ITGAL: variants seen among roughly 807,000 people sequenced by gnomAD.
The protein encoded by ITGAL is integrin subunit alpha L.
Under a neutral mutation model 138.4 loss-of-function variants are expected in ITGAL, and 68 were observed. That is an observed-to-expected ratio of 0.49 (90% CI 0.40 to 0.60). The LOEUF is 0.60. Among genes scored for constraint, ITGAL ranks in the 20% least tolerant of loss-of-function variants. ITGAL has a pLI of 0.00. For synonymous variants in ITGAL, 561 were observed against 584.3 expected, an observed-to-expected ratio of 0.96 and a Z score of 0.57; for missense variants, 1,256 against 1,478.6, an observed-to-expected ratio of 0.85 and a Z score of 2.47.
At chr16:30,507,269 C>T (rs1299920423) in intron 21 of ITGAL, among the ~76,000 whole-genome samples, 1 of 151,998 alleles carries the variant, frequency 6.6e-6, no homozygotes. Context: ...ACCATCCTGG[C>T]TAACACGGTG....
In ITGAL at chr16:30,483,885, A is replaced by G. The variant is rs1221983373; in HGVS notation, c.781A>G (p.Ile261Val). The change falls in exon 8 of 31, where the codon ATC (isoleucine) becomes GTC (valine). Residue 261 changes from isoleucine (I) to valine (V), a missense_variant. By Grantham distance (29) the Ile-to-Val change is conservative. This residue lies in a region of ITGAL where 177 missense variants were observed against 288.8 expected (regional missense o/e 0.61). Transcript: ENST00000356798. ...GCCAGATGCCACCAAAGTGCTTATC[A>G]TCATCACGGATGGGGAGGCCACTGA... The part of the protein sequence containing the change: ...ARPDATKVLI[I>V]ITDGEATDSG... The G allele has an allele frequency of 6.2e-6, 10 of 1,614,164 alleles. No homozygotes were observed. In the Admixed American group the frequency reaches 6.7e-5, roughly 11 times the overall value.
chr16:30,509,089 A>G (rs1480923472), intron 21 of ITGAL, among the ~76,000 whole-genome samples: 1 of 151,474 alleles, frequency 6.6e-6, no homozygotes, highest in Non-Finnish European at 1.5e-5. Flanking sequence ...AGGCAGGAGA[A>G]TCACTTGAAC....
Position 30,510,859 on chromosome 16 carries a change from T to C in ITGAL, c.2620-22T>C, listed in dbSNP as rs752780002. On this transcript the variant is annotated intron_variant, in intron 22 of 30. Coordinates refer to ENST00000356798, the MANE Select transcript of ITGAL (RefSeq NM_002209.3). ...GCTCCTCATGACCCTTCCATTTCCA[T>C]TGCCCTCTCCTTTCCTGCCAGGTTG... 4 of 1,602,390 alleles carry C rather than the reference T, an allele frequency of 2.5e-6. No homozygotes were observed. The African/African-American group carries it at 4.0e-5, about 16-fold the overall frequency.
rs910591043 is a variant in ITGAL, at chr16:30,474,458, A to G, written c.164+160A>G. On this transcript the variant is annotated intron_variant, in intron 2 of 30. Coordinates refer to ENST00000356798, the MANE Select transcript of ITGAL (RefSeq NM_002209.3). ...GCCTGTGGTGGGAATCCTCAGAGAC[A>G]GGAGTGAGGGATCAAAAAGCGGGAT... The G allele has an allele frequency of 1.3e-5, 8 of 607,506 alleles. No homozygotes were observed. In the African/African-American group the frequency reaches 1.5e-4, roughly 11 times the overall value. 37.6% of individuals were successfully genotyped at this position (607,506 alleles called of 1,614,324 possible).
chr16:30,501,720 G>A (rs2050901689), intron 17 of ITGAL, among the ~76,000 whole-genome samples: 1 of 151,922 alleles, frequency 6.6e-6, no homozygotes, highest in South Asian at 2.1e-4. Flanking sequence ...CTCATGTATG[G>A]TACATGGAAA....
intron 11 of ITGAL, among the ~76,000 whole-genome samples, chr16:30,493,802 G>T (rs1184660561): frequency 6.6e-6 from 1 of 152,136 alleles, no homozygotes; most frequent in African/African-American, 2.4e-5. Flanking sequence ...TGAGGCAGGA[G>T]AATTGCTTGA....
intron 11 of ITGAL, among the ~76,000 whole-genome samples, chr16:30,493,023 T>C (rs4500746): frequency 0.73 from 110,909 of 151,626 alleles, 40,964 homozygotes; most frequent in East Asian, 0.99. Flanking sequence ...GTACCTGGGA[T>C]CACAGGTGTG....
At position 30,517,736 on chromosome 16, in the gene ITGAL, G is replaced by T. The variant is rs549723368; in HGVS notation, c.3033+31G>T. 2.0e-5 allele frequency: 32 copies of T among 1,613,032 alleles called. No individual in the cohort carries two copies. The East Asian group carries it at 6.7e-4, about 34-fold the overall frequency. ...GGCGTGTGAGCTGAGAGACGGTGGG[G>T]CTGGGCGGTACACGGGTCGGAATGA... On this transcript the variant is annotated intron_variant, in intron 27 of 30. Coordinates refer to ENST00000356798, the MANE Select transcript of ITGAL (RefSeq NM_002209.3).
chr16:30,520,877 G>A (rs958865587), intron 30 of ITGAL, among the ~76,000 whole-genome samples: 2 of 152,182 alleles, frequency 1.3e-5, no homozygotes, highest in South Asian at 2.1e-4. Context: ...CTGAGGTCGC[G>A]AGTTCGAGAC....
At chr16:30,501,577 C>CAAA (rs56687910) in intron 17 of ITGAL, among the ~76,000 whole-genome samples, 1 of 117,556 alleles carries the variant, frequency 8.5e-6, no homozygotes, top group Non-Finnish European at 1.8e-5. Flanking sequence ...AACTCCATCT[C>CAAA]AAAAAAAAAA....
intron 25 of ITGAL, among the ~76,000 whole-genome samples, chr16:30,515,452 C>T (rs2151205710): frequency 1.3e-5 from 2 of 152,346 alleles, no homozygotes; most frequent in South Asian, 4.1e-4. Flanking sequence ...CCACTCTCTT[C>T]CTCTGCCACC....
chr16:30,510,897 T>A lies in ITGAL; in HGVS notation c.2636T>A (p.Met879Lys), dbSNP rs199606000. 11 of 1,614,022 alleles carry A rather than the reference T, an allele frequency of 6.8e-6. No individual in the cohort carries two copies. In the African/African-American group the frequency reaches 1.1e-4, roughly 16 times the overall value. Residue 879 changes from methionine (M) to lysine (K), a missense_variant, in exon 23 of 31, where the codon ATG (methionine) becomes AAG (lysine). Physicochemically the swap from Met to Lys is moderately conservative, Grantham distance 95 (BLOSUM62 -1). Coordinates refer to ENST00000356798, the MANE Select transcript of ITGAL (RefSeq NM_002209.3). ...KAGHSVALQM[M>K]FNTLVNSSWG... ...TCCTGCCAGGTTGCTCTGCAGATGA[T>A]GTTTAATACACTGGTAAACAGCTCC...
chr16:30,517,609 T>A lies in ITGAL; in HGVS notation c.2977-40T>A, dbSNP rs762619670. 4 of 1,572,634 alleles carry A rather than the reference T, an allele frequency of 2.5e-6. No individual in the cohort carries two copies. The South Asian group carries it at 3.3e-5, about 13-fold the overall frequency. ...CTGGGATGCCAGTGTCTTATCTGGG[T>A]TGGGGAGGCTCTAACTGAAGACCTG... On this transcript the variant is annotated intron_variant, in intron 26 of 30. Coordinates refer to ENST00000356798, the MANE Select transcript of ITGAL (RefSeq NM_002209.3).
chr16:30,503,890 A>G (rs2050943667), intron 17 of ITGAL: 1 of 245,894 alleles, frequency 4.1e-6, no homozygotes, highest in African/African-American at 2.2e-5. Flanking sequence ...TGCCTAGGTC[A>G]AAATTCAGGG....
At chr16:30,519,711 C>A (rs1597112328) in intron 29 of ITGAL, 146 bp from the exon 30 acceptor site, 1 of 676,744 alleles carries the variant, frequency 1.5e-6, no homozygotes, top group South Asian at 1.7e-5. Flanking sequence ...CAATAGGTGA[C>A]GTGTTAAAGG....
Position 30,499,734 on chromosome 16 carries a change from T to TGTGTATATATATATATATATATATA in ITGAL, c.2145+245_2145+246insGTGTATATATATATATATATATATA, listed in dbSNP as rs71149033. On this transcript the variant is annotated intron_variant, in intron 17 of 30. Transcript: ENST00000356798. The stretch of plus-strand genomic sequence containing the variant: ...ATATGTATATATATATATATATATA[T>TGTGTATATATATATATATATATATA]TTTTTTTTTTTTGACACAGAGTCTC... Among the ~76,000 whole-genome samples the TGTGTATATATATATATATATATATA allele has an allele frequency of 8.2e-3, 629 of 76,532 alleles. 4 individuals carry two copies. The highest frequency in any genetic ancestry group is 0.011 in the Non-Finnish European group (491 of 44,798). The allele number at this position is 76,532 out of a possible 152,430, so 50.2% of individuals were successfully genotyped here. A position where few individuals can be genotyped will look rare whatever the true frequency, so the allele number is the denominator to read the frequency against.
At chr16:30,481,345 T>TAA (rs57608894) in intron 6 of ITGAL, 94 bp from the exon 7 acceptor site, 137 of 449,030 alleles carry the variant, frequency 3.1e-4, no homozygotes, top group Middle Eastern at 1.3e-3. Context: ...AAACTCCATC[T>TAA]AAAAAAAAAA....
chr16:30,512,025 G>T (rs201138938), intron 24 of ITGAL, among the ~76,000 whole-genome samples: 1 of 152,170 alleles, frequency 6.6e-6, no homozygotes, highest in East Asian at 1.9e-4. Flanking sequence ...GATACAAGGA[G>T]GTTGGGAACT....
Position 30,472,820 on chromosome 16 carries a change from C to A in ITGAL, c.-18C>A. The A allele has an allele frequency of 6.2e-7, 1 of 1,611,168 alleles. No individual in the cohort carries two copies. The highest frequency in any genetic ancestry group is 8.5e-7 in the Non-Finnish European group (1 of 1,179,036). ...TGACGCTGCCCCTGGGGCCACAGGT[C>A]CCTCGAGTGCTGGAAGGATGAAGGA... On this transcript the variant is annotated 5_prime_UTR_variant, in exon 1 of 31. Transcript: ENST00000356798.
Sources: gnomAD v4.1 joint callset for allele counts (sites outside exome capture counted in the v4.1 genomes callset) on GRCh38, gnomAD v4.1.1 for gene constraint, gnomAD v4.1.1 regional missense constraint, MANE v1.5 for transcripts, NCBI Gene and HGNC (gene_info 2026-07-23, HGNC 2026-07-21) for gene names.